The following VOPP1 variants were observed in gnomAD, a reference collection of about 807,000 sequenced individuals.
VOPP1 encodes VOPP1 WW domain binding protein.
VOPP1 carries 8 observed loss-of-function variants against 23.5 expected under a neutral mutation model. The ratio of observed to expected loss-of-function variants is 0.34; its 90% CI spans 0.20 to 0.61. The LOEUF (loss-of-function observed/expected upper bound fraction) is 0.61. Ranked by LOEUF, VOPP1 falls within the 20% of genes least tolerant of loss-of-function variation. The pLI, the probability that VOPP1 is intolerant of heterozygous loss-of-function variation, is 0.78. For synonymous variants in VOPP1, 83 were observed against 97.3 expected, an observed-to-expected ratio of 0.85 and a Z score of 0.86; for missense variants, 174 against 238.1, an observed-to-expected ratio of 0.73 and a Z score of 1.77.
chr7:55,516,082 C>A, intron 2 of VOPP1: 1 of 865,348 alleles, frequency 1.2e-6, no homozygotes. Context: ...GCTGCTGAGG[C>A]CACACAGCCA....
chr7:55,446,279 C>T (rs1199803611), intron 4 of VOPP1, among the ~76,000 whole-genome samples: 1 of 152,148 alleles, frequency 6.6e-6, no homozygotes, highest in Non-Finnish European at 1.5e-5. Flanking sequence ...AGGCGTGAGC[C>T]ACCGCGCCCG....
intron 1 of VOPP1, chr7:55,552,847 C>T: frequency 1.4e-6 from 2 of 1,421,792 alleles, no homozygotes; most frequent in Non-Finnish European, 1.8e-6. Context: ...GGTGACGGAG[C>T]ACTATGGCAA....
chr7:55,441,138 C>G (rs544057624), intron 4 of VOPP1, among the ~76,000 whole-genome samples: 1 of 152,300 alleles, frequency 6.6e-6, no homozygotes, highest in South Asian at 2.1e-4. Context: ...GGTTGCTTGC[C>G]GGCACAGAGC....
At chr7:55,558,932 G>A (rs889354905) in intron 1 of VOPP1, among the ~76,000 whole-genome samples, 9 of 152,196 alleles carry the variant, frequency 5.9e-5, no homozygotes, top group Admixed American at 2.6e-4. Context: ...CAGTGTTCAA[G>A]GTTAGCGACA....
intron 4 of VOPP1, among the ~76,000 whole-genome samples, chr7:55,490,183 G>A (rs898609041): frequency 1.3e-5 from 2 of 152,084 alleles, no homozygotes; most frequent in African/African-American, 4.8e-5. Flanking sequence ...ATGTGCTTCT[G>A]TTTTTTGTTT....
At chr7:55,482,785 C>T (rs1051935073) in intron 4 of VOPP1, among the ~76,000 whole-genome samples, 2 of 152,140 alleles carry the variant, frequency 1.3e-5, no homozygotes, top group Admixed American at 1.3e-4. Context: ...TAATGTCCCA[C>T]AAGAAAAGGC....
chr7:55,435,344 A>G (rs1303442741), downstream of VOPP1, among the ~76,000 whole-genome samples: 2 of 152,206 alleles, frequency 1.3e-5, no homozygotes, highest in African/African-American at 2.4e-5. Context: ...GCTTCAAAGC[A>G]TGGAGCCGGG....
intron 1 of VOPP1, chr7:55,538,787 T>G (rs954500393): frequency 4.5e-5 from 27 of 594,736 alleles, no homozygotes; most frequent in Non-Finnish European, 6.7e-5. Flanking sequence ...GAGCTGCTGA[T>G]GAGGAAACAT....
chr7:55,532,364 T>G (rs1202978676), intron 1 of VOPP1, among the ~76,000 whole-genome samples: 1 of 152,226 alleles, frequency 6.6e-6, no homozygotes, highest in African/African-American at 2.4e-5. Context: ...TGTCTTGCCT[T>G]GAGGTTTACA....
intron 3 of VOPP1, chr7:55,492,899 C>T (rs900998365): frequency 3.9e-5 from 6 of 152,652 alleles, no homozygotes; most frequent in African/African-American, 9.7e-5. Context: ...CTCCAGACCA[C>T]GTCTCCATTA....
intron 4 of VOPP1, among the ~76,000 whole-genome samples, chr7:55,438,232 C>A (rs917243314): frequency 2.0e-5 from 3 of 151,896 alleles, no homozygotes; most frequent in Admixed American, 2.0e-4. Context: ...CTTATCTCTC[C>A]GAGGATGTTA....
At chr7:55,462,948 C>A (rs1390845655) in intron 4 of VOPP1, among the ~76,000 whole-genome samples, 11 of 152,186 alleles carry the variant, frequency 7.2e-5, no homozygotes, top group Non-Finnish European at 1.5e-4. Flanking sequence ...TTGAACCCTT[C>A]AGTCCCAGTA....
At chr7:55,486,775 T>C (rs1010471040) in intron 4 of VOPP1, among the ~76,000 whole-genome samples, 1 of 152,314 alleles carries the variant, frequency 6.6e-6, no homozygotes, top group African/African-American at 2.4e-5. Flanking sequence ...CCAGTTAATT[T>C]CTTTCAGCAA....
At chr7:55,538,286 TGA>T (rs1388534309) in intron 1 of VOPP1, among the ~76,000 whole-genome samples, 1 of 152,212 alleles carries the variant, frequency 6.6e-6, no homozygotes, top group African/African-American at 2.4e-5. Flanking sequence ...CTTCTCCAAC[TGA>T]GCTACACTCT....
intron 3 of VOPP1, among the ~76,000 whole-genome samples, chr7:55,495,388 A>G (rs1793881603): frequency 6.6e-6 from 1 of 152,212 alleles, no homozygotes; most frequent in Non-Finnish European, 1.5e-5. Context: ...TGTGGGGCCC[A>G]GGCAGCAGAG....
chr7:55,564,118 C>A (rs1433149983), intron 1 of VOPP1, among the ~76,000 whole-genome samples: 1 of 152,140 alleles, frequency 6.6e-6, no homozygotes, highest in Non-Finnish European at 1.5e-5. Flanking sequence ...AGGAACCTGG[C>A]TTCACAGCTT....
chr7:55,473,909 GTTTT>G (rs568423856), intron 4 of VOPP1, among the ~76,000 whole-genome samples: 1 of 151,936 alleles, frequency 6.6e-6, no homozygotes, highest in African/African-American at 2.4e-5. Flanking sequence ...ATTGTGTAGG[GTTTT>G]TTTTCTTTTT....
intron 4 of VOPP1, among the ~76,000 whole-genome samples, chr7:55,475,672 A>G (rs928058644): frequency 6.6e-6 from 1 of 152,222 alleles, no homozygotes; most frequent in Admixed American, 6.5e-5. Context: ...GGAGCCCTTC[A>G]GTTCTGGTTT....
Position 55,476,104 on chromosome 7 carries a change from C to T in VOPP1, c.329-3059G>A, listed in dbSNP as rs139357157. On this transcript the variant is annotated intron_variant, in intron 4 of 4. Coordinates refer to ENST00000285279, the MANE Select transcript of VOPP1 (RefSeq NM_030796.5). ...GGGGGCATCACGGGCCCGTGTGGAG[C>T]GCCGTCTAAGAATTAAAGGCCACCA... Among the ~76,000 whole-genome samples, 48 of 152,254 alleles carry T rather than the reference C, an allele frequency of 3.2e-4. 1 individual carries two copies. In the East Asian group the frequency reaches 8.9e-3, roughly 28 times the overall value.
Sources: allele counts gnomAD v4.1 joint callset (sites outside exome capture counted in the v4.1 genomes callset), GRCh38; gene constraint gnomAD v4.1.1; transcripts MANE v1.5; gene names NCBI Gene and HGNC (gene_info 2026-07-23, HGNC 2026-07-21).